TRIM36: variants seen among roughly 807,000 people sequenced by gnomAD.
TRIM36 encodes the protein E3 ubiquitin-protein ligase TRIM36.
In TRIM36, 42 loss-of-function variants were observed where a neutral mutation model predicts 72.4. The ratio of observed to expected loss-of-function variants is 0.58; its 90% CI spans 0.45 to 0.75. The LOEUF (loss-of-function observed/expected upper bound fraction) is 0.75, where lower values mean the gene tolerates loss of function less well. TRIM36 is among the 30% of genes least tolerant of loss of function. The pLI is 0.00. For synonymous variants in TRIM36, 315 were observed against 282.8 expected (o/e 1.11, Z -1.14); for missense variants, 913 against 857.1 (o/e 1.07, Z -0.81).
chr5:115,167,731 G>A (rs1260918945), intron 1 of TRIM36, among the ~76,000 whole-genome samples: 1 of 152,178 alleles, frequency 6.6e-6, no homozygotes, highest in Non-Finnish European at 1.5e-5. Flanking sequence ...CCTCCAAACT[G>A]TTCCAATCTC....
chr5:115,137,740 T>C, intron 5 of TRIM36, 124 bp from the exon 6 acceptor site: 1 of 1,144,586 alleles, frequency 8.7e-7, no homozygotes, highest in Non-Finnish European at 1.2e-6. Flanking sequence ...GACAGCATTA[T>C]CAAAATTTGA....
chr5:115,127,037 C>T (rs1752393798), intron 9 of TRIM36, among the ~76,000 whole-genome samples, 180 bp from the exon 10 acceptor site: 1 of 152,208 alleles, frequency 6.6e-6, no homozygotes, highest in African/African-American at 2.4e-5. Context: ...ATACCACAGA[C>T]TCAGCCCCAA....
In TRIM36 at chr5:115,126,706, T is replaced by C. The variant is rs767069836; in HGVS notation, c.1948A>G (p.Met650Val). Reference protein sequence around the residue: ...SNEPENRVLPMPTSIGIFLDC... With the variant: ...SNEPENRVLPVPTSIGIFLDC... ...AGGAAAATCCCAATACTTGTTGGCA[T>C]AGGGAGAACTCTATTTTCAGGTTCA... The change falls in exon 10 of 10, where the codon ATG (methionine) becomes GTG (valine). Residue 650 changes from methionine to valine, a missense_variant. By Grantham distance (21) the Met-to-Val change is conservative. Transcript: ENST00000513154. 24 of 1,614,084 alleles carry C rather than the reference T, an allele frequency of 1.5e-5. No individual in the cohort carries two copies. The highest frequency in any genetic ancestry group is 2.2e-5 in the South Asian group (2 of 91,092).
At chr5:115,147,852 G>A (rs891082930) in intron 2 of TRIM36, among the ~76,000 whole-genome samples, 2 of 152,188 alleles carry the variant, frequency 1.3e-5, no homozygotes, top group East Asian at 3.8e-4. Context: ...AGCCCATGAA[G>A]AGGCCCAGGC....
intron 9 of TRIM36, among the ~76,000 whole-genome samples, chr5:115,129,470 A>G (rs561370892): frequency 6.6e-6 from 1 of 152,316 alleles, no homozygotes; most frequent in African/African-American, 2.4e-5. Flanking sequence ...AGGCAGAAGA[A>G]TCGCTTGAAC....
chr5:115,169,812 C>T lies in TRIM36; in HGVS notation c.-178G>A, dbSNP rs1010586010. The stretch of plus-strand genomic sequence containing the variant: ...GCGGGGAGAAGTAAGCCGGGGCAGG[C>T]AAAAGCACAGGCGCGGGAGAAGCGA... On this transcript the variant is annotated 5_prime_UTR_variant, in exon 1 of 10. Transcript: ENST00000513154. 2.8e-5 allele frequency: 37 copies of T among 1,317,572 alleles called. No homozygotes were observed. The highest frequency in any genetic ancestry group is 3.2e-5 in the Non-Finnish European group (33 of 1,028,492). The allele number at this position is 1,317,572 out of a possible 1,614,324, so 81.6% of individuals were successfully genotyped here. A position where few individuals can be genotyped will look rare whatever the true frequency, so the allele number is the denominator to read the frequency against.
At chr5:115,139,213 C>G (rs189020921) in intron 5 of TRIM36, among the ~76,000 whole-genome samples, 39 of 148,772 alleles carry the variant, frequency 2.6e-4, no homozygotes, top group African/African-American at 8.9e-4. Context: ...CTCTGCCTCC[C>G]GGGTTCAAGC....
At chr5:115,166,210 G>A (rs1337401172) in intron 1 of TRIM36, among the ~76,000 whole-genome samples, 1 of 152,162 alleles carries the variant, frequency 6.6e-6, no homozygotes, top group African/African-American at 2.4e-5. Context: ...TCCACTGACT[G>A]GAGTGAAAAC....
chr5:115,128,847 A>G (rs985425086), intron 9 of TRIM36, among the ~76,000 whole-genome samples: 2 of 150,608 alleles, frequency 1.3e-5, no homozygotes, highest in African/African-American at 2.4e-5. Flanking sequence ...AAATAAATTT[A>G]GTGCAGCCTA....
intron 1 of TRIM36, chr5:115,169,066 G>T (rs1292425319): frequency 6.6e-6 from 1 of 152,552 alleles, no homozygotes. Context: ...AGAAACTTCG[G>T]AAGAATTGCA....
Position 115,133,893 on chromosome 5 carries a change from T to C in TRIM36, c.1465A>G (p.Arg489Gly). ...YKGSICSPCSRELILHTPPAP... is the reference protein window; with the variant it reads ...YKGSICSPCSGELILHTPPAP... ...GGAGGAGTATGAAGAATCAATTCTC[T>C]GCTGCAAGGACTACAGATTGAACCC... Residue 489 changes from arginine (R) to glycine (G), a missense_variant, in exon 8 of 10, where the codon AGA becomes GGA. By Grantham distance (125) the Arg-to-Gly change is moderately radical (BLOSUM62 -2). Transcript: ENST00000513154. 1 of 1,608,268 alleles carries C rather than the reference T, an allele frequency of 6.2e-7. No individual in the cohort carries two copies. The highest frequency in any genetic ancestry group is 2.2e-5 in the East Asian group (1 of 44,638).
intron 1 of TRIM36, among the ~76,000 whole-genome samples, chr5:115,169,404 G>A (rs1215194518): frequency 6.6e-6 from 1 of 152,246 alleles, no homozygotes; most frequent in Non-Finnish European, 1.5e-5. Flanking sequence ...CCCCACGTCC[G>A]GCTCTCGGGG....
chr5:115,168,764 A>G (rs1013472521), intron 1 of TRIM36, among the ~76,000 whole-genome samples: 1 of 152,256 alleles, frequency 6.6e-6, no homozygotes, highest in East Asian at 1.9e-4. Context: ...CTCATTTCAC[A>G]AAGGGTTTGG....
At chr5:115,141,885 A>C (rs941356262) in intron 4 of TRIM36, among the ~76,000 whole-genome samples, 2 of 152,212 alleles carry the variant, frequency 1.3e-5, no homozygotes, top group Non-Finnish European at 2.9e-5. Flanking sequence ...ATGAAAATAT[A>C]GTTTTATAAA....
intron 1 of TRIM36, among the ~76,000 whole-genome samples, chr5:115,164,177 A>C (rs1754637284): frequency 6.6e-6 from 1 of 152,218 alleles, no homozygotes; most frequent in African/African-American, 2.4e-5. Context: ...GTGACTGACA[A>C]ATAACAGGAG....
intron 9 of TRIM36, among the ~76,000 whole-genome samples, chr5:115,130,289 C>T (rs971700243): frequency 6.6e-6 from 1 of 152,126 alleles, no homozygotes; most frequent in Admixed American, 6.6e-5. Flanking sequence ...GTATTATATA[C>T]GTGGGTAATT....
At position 115,137,527 on chromosome 5, in the gene TRIM36, T is replaced by C. The variant is rs1420192098; in HGVS notation, c.921A>G (p.Lys307=). 1.2e-6 allele frequency: 2 copies of C among 1,614,132 alleles called. No homozygotes were observed. Among genetic ancestry groups the C allele is most frequent in the East Asian group, 2.2e-5 (1 of 44,864 alleles). Residue 307 remains lysine (K), a synonymous_variant, in exon 6 of 10, where the codon AAA becomes AAG. Transcript: ENST00000513154. ...TTAGTTTCTTAGAGGAGTCAATTGCTTTCAAAACAGATGATTTCCTCTCTT... is the reference window on the plus strand; with the variant it reads ...TTAGTTTCTTAGAGGAGTCAATTGCCTTCAAAACAGATGATTTCCTCTCTT... ...VLEERKSSVL[K]AIDSSKKLRL...
At chr5:115,131,196 T>C (rs991790990) in intron 8 of TRIM36, among the ~76,000 whole-genome samples, 3 of 152,186 alleles carry the variant, frequency 2.0e-5, no homozygotes, top group Non-Finnish European at 2.9e-5. Flanking sequence ...TTTCACACTA[T>C]TGAATTTGTT....
At chr5:115,141,215 AAATG>A in intron 5 of TRIM36, 60 bp downstream of exon 5, 2 of 1,209,002 alleles carry the variant, frequency 1.7e-6, no homozygotes, top group Non-Finnish European at 2.4e-6. Flanking sequence ...TTTTATGAAC[AAATG>A]AATGAATGTC....
Sources: allele counts gnomAD v4.1 joint callset (sites outside exome capture counted in the v4.1 genomes callset), GRCh38; gene constraint gnomAD v4.1.1; transcripts MANE v1.5; gene names NCBI Gene and HGNC (gene_info 2026-07-23, HGNC 2026-07-21).